Variants in IGF2BP3 observed in about 807,000 individuals in gnomAD.
The protein encoded by IGF2BP3 is insulin-like growth factor 2 mRNA-binding protein 3.
IGF2BP3 carries 9 observed loss-of-function variants against 73.8 expected under a neutral mutation model. The ratio of observed to expected loss-of-function variants is 0.12; its 90% CI spans 0.07 to 0.21. The LOEUF is 0.21. Among genes scored for constraint, IGF2BP3 ranks in the 10% least tolerant of loss-of-function variants. The probability of loss-of-function intolerance (pLI) is 1.00; values close to 1 mark genes in which losing one functional copy is unlikely to be tolerated. For missense variants in IGF2BP3, 542 were observed against 714.0 expected (o/e 0.76, Z 2.75); for synonymous variants, 258 against 256.7 (o/e 1.01, Z -0.05).
intron 2 of IGF2BP3, among the ~76,000 whole-genome samples, chr7:23,427,526 G>A (rs947156207): frequency 6.6e-6 from 1 of 151,690 alleles, no homozygotes; most frequent in African/African-American, 2.4e-5. Flanking sequence ...TGGAAGGATC[G>A]CTTGATGCCA....
At chr7:23,408,720 T>G (rs1043307424) in intron 3 of IGF2BP3, among the ~76,000 whole-genome samples, 1 of 152,116 alleles carries the variant, frequency 6.6e-6, no homozygotes, top group East Asian at 1.9e-4. Flanking sequence ...CCCAAAAGAA[T>G]TGAAAGCAGA....
intron 3 of IGF2BP3, among the ~76,000 whole-genome samples, chr7:23,377,283 A>T (rs560706562): frequency 6.6e-6 from 1 of 152,310 alleles, no homozygotes; most frequent in South Asian, 2.1e-4. Context: ...CTCAACACTA[A>T]AAGGCCAAAT....
intron 3 of IGF2BP3, among the ~76,000 whole-genome samples, chr7:23,407,206 A>G (rs1279911225): frequency 6.6e-6 from 1 of 151,658 alleles, no homozygotes; most frequent in Non-Finnish European, 1.5e-5. Flanking sequence ...AGAAAAAAAG[A>G]AACAACTTGG....
At chr7:23,448,578 T>G (rs1445012867) in intron 2 of IGF2BP3, among the ~76,000 whole-genome samples, 3 of 151,802 alleles carry the variant, frequency 2.0e-5, no homozygotes, top group African/African-American at 4.8e-5. Flanking sequence ...AATTTTTTAT[T>G]TTTTGTAGAG....
intron 3 of IGF2BP3, among the ~76,000 whole-genome samples, chr7:23,372,033 G>C (rs975280501): frequency 6.6e-6 from 1 of 151,856 alleles, no homozygotes; most frequent in Non-Finnish European, 1.5e-5. Context: ...TATTTCAATA[G>C]GTTTTTGGAG....
At chr7:23,381,965 C>T (rs274023) in intron 3 of IGF2BP3, among the ~76,000 whole-genome samples, 9,515 of 152,178 alleles carry the variant, frequency 0.063, 482 homozygotes, top group East Asian at 0.13. Context: ...CATTAAAATG[C>T]CACTATGTGA....
At chr7:23,420,763 G>A (rs760878167) in intron 2 of IGF2BP3, among the ~76,000 whole-genome samples, 4 of 152,142 alleles carry the variant, frequency 2.6e-5, no homozygotes, top group Non-Finnish European at 5.9e-5. Context: ...AAATGGAGGA[G>A]GGAAGGAAGA....
At chr7:23,465,529 C>CCG (rs200422843) in intron 2 of IGF2BP3, among the ~76,000 whole-genome samples, 25 of 151,858 alleles carry the variant, frequency 1.6e-4, no homozygotes, top group South Asian at 2.1e-4. Flanking sequence ...AGGGTCCCCC[C>CCG]CCAAGCTCCA....
chr7:23,324,311 G>A (rs964880120), intron 10 of IGF2BP3, among the ~76,000 whole-genome samples: 2 of 151,670 alleles, frequency 1.3e-5, no homozygotes, highest in African/African-American at 4.9e-5. Context: ...AAATAAACTA[G>A]AAAATCTAGA....
At chr7:23,375,869 T>G in intron 3 of IGF2BP3, among the ~76,000 whole-genome samples, 1 of 152,182 alleles carries the variant, frequency 6.6e-6, no homozygotes, top group Non-Finnish European at 1.5e-5. Context: ...AATTAGTCCT[T>G]CAGGTGTGCA....
At chr7:23,320,726 C>A (rs60704933) in intron 10 of IGF2BP3, among the ~76,000 whole-genome samples, 2,712 of 149,028 alleles carry the variant, frequency 0.018, 78 homozygotes, top group African/African-American at 0.064. Flanking sequence ...GGTGGGTGGA[C>A]TGCTTGAGCC....
In IGF2BP3 at chr7:23,312,250, AGG is replaced by A. The variant is rs1259252137; in HGVS notation, c.*110_*111del. On this transcript the variant is annotated 3_prime_UTR_variant, in exon 15 of 15. Coordinates refer to ENST00000258729, the MANE Select transcript of IGF2BP3 (RefSeq NM_006547.3). ...GCCTGGTCCTCAGAAACAACTGGCTAGGTAAAAACTTGTGCATGTGATTCTGG... is the reference window on the plus strand; with the variant it reads ...GCCTGGTCCTCAGAAACAACTGGCTATAAAAACTTGTGCATGTGATTCTGG... 7 of 769,480 alleles carry A rather than the reference AGG, an allele frequency of 9.1e-6. No homozygotes were observed. The highest frequency in any genetic ancestry group is 1.6e-5 in the Non-Finnish European group (7 of 442,526). 47.7% of individuals were successfully genotyped at this position (769,480 alleles called of 1,614,324 possible). A position where few individuals can be genotyped will look rare whatever the true frequency, so the allele number is the denominator to read the frequency against.
chr7:23,426,896 CAG>C (rs542609716), intron 2 of IGF2BP3, among the ~76,000 whole-genome samples: 136 of 152,292 alleles, frequency 8.9e-4, no homozygotes, highest in African/African-American at 2.6e-3. Context: ...GTTTTTTAGC[CAG>C]AGTTATTCCA....
intron 3 of IGF2BP3, among the ~76,000 whole-genome samples, chr7:23,384,326 T>C (rs935276646): frequency 4.3e-4 from 65 of 151,894 alleles, no homozygotes; most frequent in African/African-American, 1.5e-3. Flanking sequence ...AAGAGAGCAA[T>C]ATCTGAAGGG....
chr7:23,319,766 A>G (rs918446431), intron 10 of IGF2BP3, among the ~76,000 whole-genome samples: 1 of 152,184 alleles, frequency 6.6e-6, no homozygotes, highest in African/African-American at 2.4e-5. Context: ...ACATATGACT[A>G]AATTGTATGA....
chr7:23,322,872 G>T (rs540944007), intron 10 of IGF2BP3, among the ~76,000 whole-genome samples: 1 of 152,110 alleles, frequency 6.6e-6, no homozygotes, highest in Non-Finnish European at 1.5e-5. Context: ...AGCAAATGCC[G>T]AGAGATTTTG....
At chr7:23,315,387 C>T (rs956619218) in intron 12 of IGF2BP3, among the ~76,000 whole-genome samples, 9 of 152,132 alleles carry the variant, frequency 5.9e-5, no homozygotes, top group Non-Finnish European at 1.2e-4. Context: ...GGATAGCAAG[C>T]GTGGGCCACC....
At chr7:23,457,599 C>CA (rs1788353902) in intron 2 of IGF2BP3, among the ~76,000 whole-genome samples, 2 of 152,060 alleles carry the variant, frequency 1.3e-5, no homozygotes, top group South Asian at 4.1e-4. Flanking sequence ...CTGTTGGTTA[C>CA]AAAAGAGAAC....
intron 3 of IGF2BP3, among the ~76,000 whole-genome samples, chr7:23,404,762 G>A (rs1016458561): frequency 6.6e-6 from 1 of 151,808 alleles, no homozygotes; most frequent in African/African-American, 2.4e-5. Flanking sequence ...GCAAGTGGGG[G>A]GTGGGGGTGG....
Sources: gnomAD v4.1 joint callset for allele counts (sites outside exome capture counted in the v4.1 genomes callset) on GRCh38, gnomAD v4.1.1 for gene constraint, MANE v1.5 for transcripts, NCBI Gene and HGNC (gene_info 2026-07-23, HGNC 2026-07-21) for gene names.